DPP10: variants seen among roughly 807,000 people sequenced by gnomAD.
DPP10 encodes inactive dipeptidyl peptidase 10.
Under a neutral mutation model 120.9 loss-of-function variants are expected in DPP10, and 33 were observed. That is an observed-to-expected ratio of 0.27 (90% CI 0.21 to 0.37). DPP10 has a LOEUF of 0.37. Ranked by LOEUF, DPP10 falls within the 10% of genes least tolerant of loss-of-function variation. DPP10 has a pLI of 1.00. For missense variants in DPP10, 816 were observed against 942.8 expected (o/e 0.87, Z 1.76); for synonymous variants, 337 against 326.1 (o/e 1.03, Z -0.36).
intron 1 of DPP10, among the ~76,000 whole-genome samples, chr2:114,932,333 C>T (rs1680004045): frequency 6.6e-6 from 1 of 152,196 alleles, no homozygotes; most frequent in Admixed American, 6.5e-5. Flanking sequence ...GAAATGAGTG[C>T]ATTATTCACT....
At chr2:115,719,513 CAG>C (rs2092590696) in intron 7 of DPP10, among the ~76,000 whole-genome samples, 1 of 152,148 alleles carries the variant, frequency 6.6e-6, no homozygotes, top group Non-Finnish European at 1.5e-5. Flanking sequence ...TTATAACCAA[CAG>C]AGAGATTTAT....
intron 3 of DPP10, among the ~76,000 whole-genome samples, chr2:115,438,028 G>A (rs1384837488): frequency 1.3e-5 from 2 of 151,438 alleles, no homozygotes; most frequent in Non-Finnish European, 2.9e-5. Context: ...TATGACTAGG[G>A]ATTCAAGCTG....
intron 1 of DPP10, among the ~76,000 whole-genome samples, chr2:114,939,970 A>G (rs1462803996): frequency 6.6e-6 from 1 of 152,174 alleles, no homozygotes; most frequent in East Asian, 1.9e-4. Flanking sequence ...ACAGTGGATC[A>G]TGAAATACAG....
At chr2:115,591,369 A>C (rs1017940137) in intron 5 of DPP10, among the ~76,000 whole-genome samples, 1 of 152,208 alleles carries the variant, frequency 6.6e-6, no homozygotes, top group African/African-American at 2.4e-5. Flanking sequence ...AGCTGTCTAC[A>C]TATGGCTAGC....
intron 3 of DPP10, among the ~76,000 whole-genome samples, chr2:115,496,148 G>A (rs1455588675): frequency 3.3e-5 from 5 of 151,596 alleles, no homozygotes; most frequent in Non-Finnish European, 7.4e-5. Context: ...TGTAAAGTAG[G>A]ATAAATATGA....
intron 1 of DPP10, among the ~76,000 whole-genome samples, chr2:114,861,124 T>G (rs1312097236): frequency 6.6e-6 from 1 of 152,062 alleles, no homozygotes; most frequent in South Asian, 2.1e-4. Flanking sequence ...CAAAAATACT[T>G]AGGTCCAAAG....
At chr2:115,646,106 GCGCA>G (rs965974435) in intron 5 of DPP10, among the ~76,000 whole-genome samples, 1 of 150,836 alleles carries the variant, frequency 6.6e-6, no homozygotes, top group Non-Finnish European at 1.5e-5. Context: ...ACGTGCGTGC[GCGCA>G]CACACACACA....
intron 1 of DPP10, among the ~76,000 whole-genome samples, chr2:115,235,396 G>C (rs908955836): frequency 6.6e-6 from 1 of 152,080 alleles, no homozygotes; most frequent in Non-Finnish European, 1.5e-5. Flanking sequence ...AAAACTAAAA[G>C]AACTAAAGAT....
At chr2:114,833,440 AC>A in intron 1 of DPP10, 1 of 152,332 alleles carries the variant, frequency 6.6e-6, no homozygotes, top group East Asian at 1.9e-4. Flanking sequence ...TCTCTTGAAT[AC>A]AAAAAATCTT....
chr2:114,535,338 G>C (rs1686392837), intron 1 of DPP10, among the ~76,000 whole-genome samples: 1 of 152,120 alleles, frequency 6.6e-6, no homozygotes, highest in Non-Finnish European at 1.5e-5. Flanking sequence ...GTTTAGGATA[G>C]TCAAGCTTTC....
chr2:114,616,213 A>G (rs566769713), intron 1 of DPP10, among the ~76,000 whole-genome samples: 4 of 152,196 alleles, frequency 2.6e-5, no homozygotes, highest in African/African-American at 9.6e-5. Flanking sequence ...TGTCTTTACC[A>G]CTTGACTTTG....
chr2:114,811,566 G>C (rs767160377), intron 1 of DPP10, among the ~76,000 whole-genome samples: 3 of 150,938 alleles, frequency 2.0e-5, no homozygotes, highest in Admixed American at 2.0e-4. Flanking sequence ...CTCTCATCTG[G>C]ACTTTCAAAC....
chr2:115,012,079 A>T (rs1702304502), intron 1 of DPP10, among the ~76,000 whole-genome samples: 1 of 151,254 alleles, frequency 6.6e-6, no homozygotes. Flanking sequence ...TCGGAATATA[A>T]CTCCATTGGA....
chr2:114,924,090 G>A (rs1475398546), intron 1 of DPP10, among the ~76,000 whole-genome samples: 1 of 151,988 alleles, frequency 6.6e-6, no homozygotes, highest in Admixed American at 6.6e-5. Flanking sequence ...TGCTTTCTGT[G>A]GCTGCCCTCA....
chr2:114,852,812 T>C (rs1242686092), intron 1 of DPP10, among the ~76,000 whole-genome samples: 1 of 152,204 alleles, frequency 6.6e-6, no homozygotes, highest in African/African-American at 2.4e-5. Context: ...CAGACATATT[T>C]ATTTAATTTA....
chr2:114,823,360 C>T (rs547120277), intron 1 of DPP10, among the ~76,000 whole-genome samples: 2 of 152,010 alleles, frequency 1.3e-5, no homozygotes, highest in Non-Finnish European at 2.9e-5. Context: ...CTAATCACCC[C>T]CCACGAAGTC....
At chr2:114,929,324 C>T (rs1695888743) in intron 1 of DPP10, among the ~76,000 whole-genome samples, 1 of 152,152 alleles carries the variant, frequency 6.6e-6, no homozygotes. Context: ...GGTTCAAGAG[C>T]AGATGACCAG....
At chr2:114,478,773 C>CAACT (rs1215524367) in intron 1 of DPP10, among the ~76,000 whole-genome samples, 3 of 151,952 alleles carry the variant, frequency 2.0e-5, no homozygotes, top group African/African-American at 7.2e-5. Flanking sequence ...TTTTTTATAC[C>CAACT]AACTGTGAAC....
In DPP10 at chr2:115,707,823, G is replaced by A. The variant is rs918364759; in HGVS notation, c.576+17902G>A. Among the ~76,000 whole-genome samples, 5 of 151,416 alleles carry A rather than the reference G, an allele frequency of 3.3e-5. No homozygotes were observed. In the East Asian group the frequency reaches 9.7e-4, roughly 29 times the overall value. On this transcript the variant is annotated intron_variant, in intron 7 of 25. Transcript: ENST00000410059. ...TACTTAGCATGTTATTATTACAATA[G>A]GTAAAACATTCCCCCAAAACAAAAA...
Sources: gnomAD v4.1 joint callset for allele counts (sites outside exome capture counted in the v4.1 genomes callset) on GRCh38, gnomAD v4.1.1 for gene constraint, MANE v1.5 for transcripts, NCBI Gene and HGNC (gene_info 2026-07-23, HGNC 2026-07-21) for gene names.